Variants in UBE2E2 observed in about 807,000 individuals in gnomAD.
UBE2E2 encodes ubiquitin conjugating enzyme E2 E2.
In UBE2E2, 6 loss-of-function variants were observed where a neutral mutation model predicts 24.7. The ratio of observed to expected loss-of-function variants is 0.24; its 90% confidence interval spans 0.13 to 0.48. The LOEUF is 0.48. Among genes scored for constraint, UBE2E2 ranks in the 20% least tolerant of loss-of-function variants. The pLI, the probability that UBE2E2 is intolerant of heterozygous loss-of-function variation, is 0.99. For missense variants in UBE2E2, 169 were observed against 245.0 expected, an observed-to-expected ratio of 0.69 and a Z score of 2.07; for synonymous variants, 104 against 83.6, an observed-to-expected ratio of 1.24 and a Z score of -1.33.
intron 3 of UBE2E2, among the ~76,000 whole-genome samples, chr3:23,254,979 T>C (rs527592211): frequency 5.5e-4 from 83 of 151,808 alleles, no homozygotes; most frequent in African/African-American, 1.9e-3. Context: ...ATGAAAAGGA[T>C]AAGCCAGTGC....
chr3:23,221,218 T>G (rs552262205), intron 3 of UBE2E2, among the ~76,000 whole-genome samples: 1 of 152,282 alleles, frequency 6.6e-6, no homozygotes, highest in East Asian at 1.9e-4. Flanking sequence ...TACTAGCAGT[T>G]TACACTTCTA....
intron 3 of UBE2E2, among the ~76,000 whole-genome samples, chr3:23,470,820 A>G (rs1240536741): frequency 1.2e-5 from 1 of 84,506 alleles, no homozygotes; most frequent in Non-Finnish European, 2.1e-5. Flanking sequence ...AAAAATATAT[A>G]TATTTTTTTT....
At chr3:23,584,661 C>G (rs1696569868) in intron 5 of UBE2E2, among the ~76,000 whole-genome samples, 1 of 151,902 alleles carries the variant, frequency 6.6e-6, no homozygotes, top group Non-Finnish European at 1.5e-5. Context: ...TCCAGTGAAC[C>G]TCCTACCTCA....
chr3:23,228,799 GT>G (rs895554360), intron 3 of UBE2E2, among the ~76,000 whole-genome samples: 1 of 152,110 alleles, frequency 6.6e-6, no homozygotes, highest in African/African-American at 2.4e-5. Context: ...CTTCTAAAAC[GT>G]TTAATAGAAT....
At chr3:23,376,447 A>G (rs1696523287) in intron 3 of UBE2E2, among the ~76,000 whole-genome samples, 1 of 152,244 alleles carries the variant, frequency 6.6e-6, no homozygotes, top group South Asian at 2.1e-4. Context: ...AGTATACTTG[A>G]TAGGTAAGAT....
intron 3 of UBE2E2, among the ~76,000 whole-genome samples, chr3:23,299,638 G>A (rs911700771): frequency 6.6e-6 from 1 of 152,168 alleles, no homozygotes; most frequent in African/African-American, 2.4e-5. Context: ...ATTGCACTGT[G>A]GTCTGAGAGG....
At chr3:23,448,993 A>G (rs1698494102) in intron 3 of UBE2E2, among the ~76,000 whole-genome samples, 4 of 152,216 alleles carry the variant, frequency 2.6e-5, no homozygotes, top group Admixed American at 2.6e-4. Context: ...TTAGAAATGT[A>G]ATATCCATCA....
At chr3:23,398,302 G>C (rs1261265153) in intron 3 of UBE2E2, among the ~76,000 whole-genome samples, 2 of 109,600 alleles carry the variant, frequency 1.8e-5, no homozygotes. Context: ...AGCAGAGCAA[G>C]ACTCCATCTC....
intron 5 of UBE2E2, among the ~76,000 whole-genome samples, chr3:23,585,271 T>A (rs971816579): frequency 2.6e-5 from 4 of 151,302 alleles, no homozygotes; most frequent in African/African-American, 9.7e-5. Context: ...ACTCAAGAAG[T>A]TGAGGCAGGA....
intron 3 of UBE2E2, among the ~76,000 whole-genome samples, chr3:23,351,443 T>C (rs1374266813): frequency 6.6e-6 from 1 of 152,008 alleles, no homozygotes; most frequent in Non-Finnish European, 1.5e-5. Context: ...GACTGGCAAA[T>C]TGGATAAAGA....
chr3:23,461,144 A>T (rs1417176851), intron 3 of UBE2E2, among the ~76,000 whole-genome samples: 2 of 151,798 alleles, frequency 1.3e-5, no homozygotes, highest in African/African-American at 4.9e-5. Context: ...ATATTCCCCA[A>T]AGTTGCTTTC....
chr3:23,322,011 C>T (rs921854085), intron 3 of UBE2E2, among the ~76,000 whole-genome samples: 1 of 152,018 alleles, frequency 6.6e-6, no homozygotes, highest in Non-Finnish European at 1.5e-5. Flanking sequence ...AATCCTTTGT[C>T]ATAAAAATAG....
At chr3:23,228,762 T>A (rs767965985) in intron 3 of UBE2E2, among the ~76,000 whole-genome samples, 11 of 152,216 alleles carry the variant, frequency 7.2e-5, no homozygotes, top group Non-Finnish European at 1.5e-4. Flanking sequence ...TATATCTCAA[T>A]CCGTATTTGT....
At chr3:23,515,150 T>TACATATATATA (rs1359910028) in intron 4 of UBE2E2, among the ~76,000 whole-genome samples, 8 of 149,804 alleles carry the variant, frequency 5.3e-5, no homozygotes, top group African/African-American at 2.0e-4. Flanking sequence ...TGTGTGTGTG[T>TACATATATATA]GTGTACATAT....
chr3:23,425,046 A>G (rs977852382), intron 3 of UBE2E2, among the ~76,000 whole-genome samples: 3 of 152,220 alleles, frequency 2.0e-5, no homozygotes, highest in African/African-American at 7.2e-5. Flanking sequence ...AATCACATTT[A>G]TCAATGCACA....
intron 3 of UBE2E2, among the ~76,000 whole-genome samples, chr3:23,307,980 C>G (rs1026813363): frequency 6.6e-6 from 1 of 152,098 alleles, no homozygotes; most frequent in Non-Finnish European, 1.5e-5. Flanking sequence ...TCCCAACTTA[C>G]CAAGTGGCAC....
intron 5 of UBE2E2, among the ~76,000 whole-genome samples, chr3:23,559,338 A>T (rs1695865306): frequency 6.6e-6 from 1 of 152,126 alleles, no homozygotes; most frequent in African/African-American, 2.4e-5. Context: ...GGCATTAAAC[A>T]TCCTGGTTTT....
intron 3 of UBE2E2, among the ~76,000 whole-genome samples, chr3:23,246,548 T>G (rs547954018): frequency 6.6e-6 from 1 of 151,998 alleles, no homozygotes; most frequent in South Asian, 2.1e-4. Flanking sequence ...CCTGGCTAAT[T>G]TTTTTAAAAT....
At chr3:23,486,506 C>T (rs558809320) in intron 3 of UBE2E2, among the ~76,000 whole-genome samples, 2 of 152,292 alleles carry the variant, frequency 1.3e-5, no homozygotes, top group African/African-American at 4.8e-5. Flanking sequence ...CATGTTTCAG[C>T]TAGTTTGTGC....
Sources: allele counts gnomAD v4.1 joint callset (sites outside exome capture counted in the v4.1 genomes callset), GRCh38; gene constraint gnomAD v4.1.1; transcripts MANE v1.5; gene names NCBI Gene and HGNC (gene_info 2026-07-23, HGNC 2026-07-21).